Variants in ANKRD30A observed in about 807,000 individuals in gnomAD.
ANKRD30A encodes the protein ankyrin repeat domain 30A.
A neutral mutation model predicts 166.3 loss-of-function variants in ANKRD30A; 170 were observed. The ratio of observed to expected loss-of-function variants is 1.02; its 90% CI spans 0.90 to 1.16. ANKRD30A has a LOEUF of 1.16. Ranked by LOEUF, ANKRD30A falls within the 50% of genes most tolerant of loss-of-function variation. The pLI, the probability that ANKRD30A is intolerant of heterozygous loss-of-function variation, is 0.00. For missense variants in ANKRD30A, 1,630 were observed against 1,518.0 expected (o/e 1.07, Z -1.23); for synonymous variants, 564 against 508.9 (o/e 1.11, Z -1.46).
Position 37,136,595 on chromosome 10 carries a change from T to A in ANKRD30A, c.756-12T>A. On this transcript the variant is annotated splice_polypyrimidine_tract_variant and intron_variant, in intron 5 of 35. Transcript: ENST00000361713. Reference sequence around the variant, plus strand: ...AAAATGGTAATTTTATTTATCACATTTTTATACATAGCATTCATGAACAAA... The same window carrying A: ...AAAATGGTAATTTTATTTATCACATATTTATACATAGCATTCATGAACAAA... 1 of 1,229,370 alleles carries A rather than the reference T, an allele frequency of 8.1e-7. No individual in the cohort carries two copies. The highest frequency in any genetic ancestry group is 1.1e-6 in the Non-Finnish European group (1 of 876,134). The allele number at this position is 1,229,370 out of a possible 1,614,324, so 76.2% of individuals were successfully genotyped here.
chr10:37,152,750 C>A (rs1588802891), intron 12 of ANKRD30A, among the ~76,000 whole-genome samples: 1 of 152,134 alleles, frequency 6.6e-6, no homozygotes, highest in South Asian at 2.1e-4. Context: ...GGCAGTCAAG[C>A]TGCAGCAGCA....
chr10:37,157,648 C>A (rs1157576353), intron 13 of ANKRD30A, among the ~76,000 whole-genome samples: 1 of 152,174 alleles, frequency 6.6e-6, no homozygotes, highest in Non-Finnish European at 1.5e-5. Flanking sequence ...GCTGGAATTA[C>A]AGGCATGAGC....
At chr10:37,140,542 T>G (rs1286998654) in intron 6 of ANKRD30A, among the ~76,000 whole-genome samples, 1 of 152,194 alleles carries the variant, frequency 6.6e-6, no homozygotes, top group African/African-American at 2.4e-5. Context: ...CTTCATTTCC[T>G]CCAAGTTGAA....
chr10:37,229,816 G>A (rs1229942157), intron 34 of ANKRD30A, among the ~76,000 whole-genome samples: 2 of 151,688 alleles, frequency 1.3e-5, no homozygotes, highest in East Asian at 3.9e-4. Context: ...AGTAGGGTGT[G>A]TATATATATA....
At chr10:37,164,883 C>A (rs892951708) in intron 17 of ANKRD30A, among the ~76,000 whole-genome samples, 4 of 152,018 alleles carry the variant, frequency 2.6e-5, no homozygotes, top group African/African-American at 4.8e-5. Flanking sequence ...TATTTTTCTG[C>A]ATTCTAATGA....
intron 29 of ANKRD30A, among the ~76,000 whole-genome samples, chr10:37,199,082 C>T (rs1459972496): frequency 6.6e-6 from 1 of 152,022 alleles, no homozygotes. Flanking sequence ...ACTCTGAAGG[C>T]ATTGTTGCAT....
At chr10:37,225,661 C>T (rs1004659394) in intron 34 of ANKRD30A, among the ~76,000 whole-genome samples, 6 of 151,734 alleles carry the variant, frequency 4.0e-5, no homozygotes, top group East Asian at 1.9e-4. Context: ...GGAAAGAATA[C>T]ATTTTTAATA....
Position 37,210,728 on chromosome 10 carries a change from C to A in ANKRD30A, c.2870-5453C>A, listed in dbSNP as rs929093148. ...TTCTCTAATGATCAGTGATGATGAG[C>A]TTTTTTTCATATGTTTGTTGGCTGC... On this transcript the variant is annotated intron_variant, in intron 31 of 35. Coordinates refer to ENST00000361713, the MANE Select transcript of ANKRD30A (RefSeq NM_052997.3). 4.6e-5 allele frequency among the ~76,000 whole-genome samples: 7 copies of A among 152,220 alleles called. No individual in the cohort carries two copies. The East Asian group carries it at 1.4e-3, about 29-fold the overall frequency.
chr10:37,264,638 G>C, the ANKRD30A span: 1 of 290,024 alleles, frequency 3.4e-6, no homozygotes, highest in African/African-American at 2.2e-5. Context: ...GAGAGGACAG[G>C]TAAGTATGCC....
intron 21 of ANKRD30A, among the ~76,000 whole-genome samples, chr10:37,172,537 T>A (rs1287958456): frequency 6.9e-6 from 1 of 144,694 alleles, no homozygotes; most frequent in Non-Finnish European, 1.5e-5. Flanking sequence ...GGTTTTTTTT[T>A]AATTTCTTTT....
chr10:37,245,289 T>A, the ANKRD30A span, among the ~76,000 whole-genome samples: 3 of 152,174 alleles, frequency 2.0e-5, no homozygotes, highest in East Asian at 5.8e-4. Context: ...ACTTGATTAG[T>A]TAAGCTGTCT....
Position 37,199,796 on chromosome 10 carries a change from G to T in ANKRD30A, c.2778+8G>T. On this transcript the variant is annotated splice_region_variant and intron_variant, in intron 30 of 35. Transcript: ENST00000361713. ...AATTCTTGGGATTCTGAGGTACTATGTGTTATTGATTTTTTTAAATATTAG... is the reference window on the plus strand; with the variant it reads ...AATTCTTGGGATTCTGAGGTACTATTTGTTATTGATTTTTTTAAATATTAG... The T allele has an allele frequency of 6.5e-7, 1 of 1,528,316 alleles. No individual in the cohort carries two copies. The highest frequency in any genetic ancestry group is 8.9e-7 in the Non-Finnish European group (1 of 1,118,092). The allele number at this position is 1,528,316 out of a possible 1,614,324, so 94.7% of individuals were successfully genotyped here.
rs1338787535 is a variant in ANKRD30A at position 37,130,310 on chromosome 10, T to C, written c.442T>C (p.Tyr148His). The C allele has an allele frequency of 6.2e-7, 1 of 1,600,220 alleles. No individual in the cohort carries two copies. The highest frequency in any genetic ancestry group is 8.5e-7 in the Non-Finnish European group (1 of 1,173,806). ...YGNTALHYAVYSEILSVVAKL... is the reference protein window; with the variant it reads ...YGNTALHYAVHSEILSVVAKL... ...CAACACGGCTCTCCATTATGCTGTTTATAGTGAGATTTTGTCAGTGGTGGC... is the reference window on the plus strand; with the variant it reads ...CAACACGGCTCTCCATTATGCTGTTCATAGTGAGATTTTGTCAGTGGTGGC... Residue 148 changes from tyrosine to histidine, a missense_variant, in exon 3 of 36, where the codon TAT becomes CAT. By Grantham distance (83) the Tyr-to-His change is moderately conservative. Transcript: ENST00000361713.
chr10:37,225,142 G>T (rs1272328394), intron 34 of ANKRD30A, among the ~76,000 whole-genome samples: 1 of 150,728 alleles, frequency 6.6e-6, no homozygotes, highest in African/African-American at 2.4e-5. Context: ...AATATTAATA[G>T]TTTATATATA....
chr10:37,137,181 C>T (rs572538346), intron 6 of ANKRD30A, among the ~76,000 whole-genome samples: 22 of 152,048 alleles, frequency 1.4e-4, no homozygotes, highest in African/African-American at 5.1e-4. Flanking sequence ...AGCTTACATG[C>T]CCTGAATTAC....
At chr10:37,196,410 G>C (rs924627204) in intron 27 of ANKRD30A, among the ~76,000 whole-genome samples, 2 of 151,898 alleles carry the variant, frequency 1.3e-5, no homozygotes, top group Non-Finnish European at 2.9e-5. Context: ...AAGAACATTG[G>C]GTTTATGTTT....
At chr10:37,260,861 C>G in the ANKRD30A span, among the ~76,000 whole-genome samples, 1 of 151,902 alleles carries the variant, frequency 6.6e-6, no homozygotes, top group South Asian at 2.1e-4. Flanking sequence ...TATGCATGTA[C>G]ATATAGATGG....
chr10:37,164,805 G>C (rs142009612), intron 17 of ANKRD30A, among the ~76,000 whole-genome samples: 3 of 152,062 alleles, frequency 2.0e-5, no homozygotes, highest in African/African-American at 7.2e-5. Context: ...AGGGCATACT[G>C]TGTTTCACAG....
At chr10:37,236,875 A>G (rs1327893602), downstream of ANKRD30A, among the ~76,000 whole-genome samples, 1 of 152,230 alleles carries the variant, frequency 6.6e-6, no homozygotes, top group Non-Finnish European at 1.5e-5. Flanking sequence ...AATTTTCTCA[A>G]TATCACCTGG....
Sources: gnomAD v4.1 joint callset for allele counts (sites outside exome capture counted in the v4.1 genomes callset) on GRCh38, gnomAD v4.1.1 for gene constraint, MANE v1.5 for transcripts, NCBI Gene and HGNC (gene_info 2026-07-23, HGNC 2026-07-21) for gene names.